Variants in TBC1D23 observed in about 807,000 individuals in gnomAD.
TBC1D23 encodes the protein TBC1 domain family member 23.
Under a neutral mutation model 91.4 loss-of-function variants are expected in TBC1D23, and 55 were observed. The ratio of observed to expected loss-of-function variants is 0.60; its 90% CI spans 0.48 to 0.75. The LOEUF is 0.75. Ranked by LOEUF, TBC1D23 falls within the 30% of genes least tolerant of loss-of-function variation. The pLI, the probability that TBC1D23 is intolerant of heterozygous loss-of-function variation, is 0.00. For missense variants in TBC1D23, 725 were observed against 836.1 expected (o/e 0.87, Z 1.64); for synonymous variants, 289 against 281.0 (o/e 1.03, Z -0.28).
In TBC1D23 at chr3:100,320,823, G is replaced by GT; in HGVS notation, c.1873dup (p.Ser625PhefsTer19). The GT allele has an allele frequency of 1.9e-6, 3 of 1,610,598 alleles. No homozygotes were observed. The highest frequency in any genetic ancestry group is 2.5e-6 in the Non-Finnish European group (3 of 1,178,900). ...ACATATGTACTGTTTAAGGGAGATT[G>GT]TTTCACGGAAAGGATTGGCTTATAT... is the stretch of plus-strand genomic sequence containing the variant. On this transcript the variant is annotated frameshift_variant, in exon 18 of 19. Transcript: ENST00000394144. LOFTEE classifies it high-confidence loss of function.
rs573485341 is a variant in TBC1D23, at chr3:100,303,801, A to G, written c.1264-1045A>G. ...CAAAATAAAATAAAAACGCTTCAGT[A>G]TAAACTATACTGTATATTGTAAGGG... is the stretch of plus-strand genomic sequence containing the variant. On this transcript the variant is annotated intron_variant, in intron 11 of 18. Transcript: ENST00000394144. Among the ~76,000 whole-genome samples, 5 of 152,242 alleles carry G rather than the reference A, an allele frequency of 3.3e-5. No individual in the cohort carries two copies. The South Asian group carries it at 6.2e-4, about 19-fold the overall frequency.
At chr3:100,262,746 C>A (rs796156819) in intron 1 of TBC1D23, among the ~76,000 whole-genome samples, 8,074 of 85,608 alleles carry the variant, frequency 0.094, 380 homozygotes, top group Middle Eastern at 0.17. Flanking sequence ...AAAAAAAAAA[C>A]ACTAAAAAGA....
At chr3:100,322,940 T>A (rs1248132029) in intron 18 of TBC1D23, among the ~76,000 whole-genome samples, 1 of 152,172 alleles carries the variant, frequency 6.6e-6, no homozygotes, top group East Asian at 1.9e-4. Context: ...CCGAAGATGC[T>A]TTTTTAAAAA....
intron 13 of TBC1D23, among the ~76,000 whole-genome samples, chr3:100,309,610 C>CTTTTTTTTTTTTTTTTTTTTTTTTT (rs71132518): frequency 8.6e-6 from 1 of 116,124 alleles, no homozygotes. Context: ...ATTCTACCTT[C>CTTTTTTTTTTTTTTTTTTTTTTTTT]TTTTTTTTTT....
chr3:100,317,700 A>ACTCT (rs10667349), intron 16 of TBC1D23, among the ~76,000 whole-genome samples: 101,296 of 151,340 alleles, frequency 0.67, 34,767 homozygotes, highest in East Asian at 0.95. Flanking sequence ...CTTTCTGTTA[A>ACTCT]CTCTCTGAAT....
At chr3:100,313,234 T>C (rs1294927061) in intron 15 of TBC1D23, among the ~76,000 whole-genome samples, 6 of 152,144 alleles carry the variant, frequency 3.9e-5, no homozygotes, top group Non-Finnish European at 8.8e-5. Flanking sequence ...ATTGAATTAG[T>C]CTAATTTTTT....
Position 100,295,165 on chromosome 3 carries a change from C to G in TBC1D23, c.679C>G (p.Pro227Ala), listed in dbSNP as rs749976245. Reference sequence around the variant, plus strand: ...GGATGGATATCTACAACAAGCAGATCCATTTTTTATTTATTTCTTAATGTT... The same window carrying G: ...GGATGGATATCTACAACAAGCAGATGCATTTTTTATTTATTTCTTAATGTT... ...IWDGYLQQAD[P>A]FFIYFLMLII... The change falls in exon 6 of 19, where the codon CCA (proline) becomes GCA (alanine). Residue 227 changes from proline (P) to alanine (A), a missense_variant. Coordinates refer to ENST00000394144, the MANE Select transcript of TBC1D23 (RefSeq NM_001199198.3). The G allele has an allele frequency of 2.5e-6, 4 of 1,605,448 alleles. No homozygotes were observed. In the African/African-American group the frequency reaches 5.4e-5, roughly 22 times the overall value.
chr3:100,304,694 T>C, intron 11 of TBC1D23, 152 bp from the exon 12 acceptor site: 1 of 611,398 alleles, frequency 1.6e-6, no homozygotes, highest in Non-Finnish European at 2.9e-6. Flanking sequence ...TGGATATACC[T>C]CTCTCTGCCA....
intron 2 of TBC1D23, 79 bp from the exon 3 acceptor site, chr3:100,281,663 G>A (rs1391068692): frequency 1.1e-5 from 9 of 840,310 alleles, no homozygotes; most frequent in Admixed American, 2.0e-5. Flanking sequence ...TTAAATTCAG[G>A]CCTTTAATTA....
In TBC1D23 at chr3:100,274,255, T is replaced by C. The variant is rs148885790; in HGVS notation, c.54-5394T>C. On this transcript the variant is annotated intron_variant, in intron 1 of 18. Coordinates refer to ENST00000394144, the MANE Select transcript of TBC1D23 (RefSeq NM_001199198.3). ...TGAATTTTTTGTGTTCAGAAACTTA[T>C]TTAAGCATTAACTGACCCTATAAGA... 3.7e-4 allele frequency among the ~76,000 whole-genome samples: 56 copies of C among 152,338 alleles called. No homozygotes were observed. In the East Asian group the frequency reaches 6.7e-3, roughly 18 times the overall value.
At position 100,296,186 on chromosome 3, in the gene TBC1D23, A is replaced by G. The variant is rs2067837604; in HGVS notation, c.787A>G (p.Thr263Ala). ...TAATATTTCAGAGTTCTTGGAAAAT[A>G]CTCCATCCAGTCTGAATATAGAAGA... ...KEEVIKFLEN[T>A]PSSLNIEDIE... Residue 263 changes from threonine to alanine, a missense_variant, in exon 8 of 19, where the codon ACT becomes GCT. Physicochemically the swap from Thr to Ala is moderately conservative, Grantham distance 58. Transcript: ENST00000394144. The G allele has an allele frequency of 6.4e-7, 1 of 1,574,612 alleles. No individual in the cohort carries two copies. The highest frequency in any genetic ancestry group is 1.2e-5 in the South Asian group (1 of 85,742).
intron 1 of TBC1D23, among the ~76,000 whole-genome samples, chr3:100,276,294 A>G (rs2067648248): frequency 1.3e-5 from 2 of 151,746 alleles, no homozygotes; most frequent in Admixed American, 6.6e-5. Flanking sequence ...CCTATAATAT[A>G]TATTATAGGA....
At chr3:100,269,143 C>T (rs1450511732) in intron 1 of TBC1D23, among the ~76,000 whole-genome samples, 1 of 152,108 alleles carries the variant, frequency 6.6e-6, no homozygotes, top group Non-Finnish European at 1.5e-5. Context: ...ATCTCTAGCC[C>T]TTTTGCCTAT....
At chr3:100,302,625 C>T (rs1030756170) in intron 11 of TBC1D23, among the ~76,000 whole-genome samples, 1 of 152,006 alleles carries the variant, frequency 6.6e-6, no homozygotes, top group African/African-American at 2.4e-5. Flanking sequence ...CTTGCTCTGT[C>T]GCCCAGGCTG....
chr3:100,301,784 A>G (rs1358287812), intron 10 of TBC1D23: 1 of 291,222 alleles, frequency 3.4e-6, no homozygotes, highest in East Asian at 8.8e-5. Flanking sequence ...GCTACTTGTT[A>G]TTTAAGAAAA....
chr3:100,310,680 A>G (rs967981034), intron 14 of TBC1D23, 138 bp downstream of exon 14: 6 of 644,060 alleles, frequency 9.3e-6, no homozygotes, highest in Non-Finnish European at 1.5e-5. Context: ...AGATGATTTC[A>G]TAGTTTTCAT....
intron 11 of TBC1D23, among the ~76,000 whole-genome samples, chr3:100,303,186 T>A (rs1705463003): frequency 6.6e-6 from 1 of 152,212 alleles, no homozygotes; most frequent in Admixed American, 6.5e-5. Flanking sequence ...TTAAAGTCCT[T>A]ACTTTGTATG....
chr3:100,279,341 C>A, intron 1 of TBC1D23: 1 of 203,516 alleles, frequency 4.9e-6, no homozygotes, highest in Non-Finnish European at 1.0e-5. Flanking sequence ...AAGTTATTAC[C>A]ACCACCAGGA....
chr3:100,261,811 T>C (rs2067513322), intron 1 of TBC1D23, among the ~76,000 whole-genome samples: 1 of 152,246 alleles, frequency 6.6e-6, no homozygotes, highest in African/African-American at 2.4e-5. Flanking sequence ...GAAAGGCTTC[T>C]ACTTTTGAAA....
Sources: allele counts gnomAD v4.1 joint callset (sites outside exome capture counted in the v4.1 genomes callset), GRCh38; gene constraint gnomAD v4.1.1; transcripts MANE v1.5; gene names NCBI Gene and HGNC (gene_info 2026-07-23, HGNC 2026-07-21).